Variants in ZNF483 observed in about 807,000 individuals in gnomAD.
ZNF483 encodes zinc finger protein HIT-10.
Under a neutral mutation model 28.6 loss-of-function variants are expected in ZNF483, and 9 were observed. That is an observed-to-expected ratio of 0.32 (90% CI 0.19 to 0.55). ZNF483 has a LOEUF of 0.55. Among genes scored for constraint, ZNF483 ranks in the 20% least tolerant of loss-of-function variants. The pLI is 0.93. For missense variants in ZNF483, 675 were observed against 871.7 expected (o/e 0.77, Z 2.84); for synonymous variants, 322 against 306.2 (o/e 1.05, Z -0.54).
In ZNF483 at chr9:111,549,320, G is replaced by T. The variant is rs1010461455; in HGVS notation, c.*6150G>T. On this transcript the variant is annotated 3_prime_UTR_variant, in exon 6 of 6. Transcript: ENST00000309235. ...TTCATAAAATGTAGCACATTTTAGGGTTTCTCCCTTGTGTGGAAATGTTAG... is the reference window on the plus strand; with the variant it reads ...TTCATAAAATGTAGCACATTTTAGGTTTTCTCCCTTGTGTGGAAATGTTAG... 1.4e-4 allele frequency among the ~76,000 whole-genome samples: 21 copies of T among 152,222 alleles called. No individual in the cohort carries two copies. The highest frequency in any genetic ancestry group is 5.1e-4 in the African/African-American group (21 of 41,544).
intron 5 of ZNF483, among the ~76,000 whole-genome samples, chr9:111,534,770 C>T (rs1445783419): frequency 1.3e-4 from 18 of 136,184 alleles, no homozygotes; most frequent in Admixed American, 8.9e-4. Context: ...GTCTCCCGAG[C>T]TAGAGTGCAG....
downstream of ZNF483, among the ~76,000 whole-genome samples, chr9:111,557,536 C>T (rs1828161626): frequency 6.6e-6 from 1 of 151,892 alleles, no homozygotes; most frequent in South Asian, 2.1e-4. Context: ...ACCTCCGCCT[C>T]CCGGGTTCAA....
In ZNF483 at chr9:111,554,867, AC is replaced by A. The variant is rs1828076216; in HGVS notation, c.*11698del. 6.6e-6 allele frequency among the ~76,000 whole-genome samples: 1 copy of A among 152,238 alleles called. No individual in the cohort carries two copies. The highest frequency in any genetic ancestry group is 1.5e-5 in the Non-Finnish European group (1 of 68,040). On this transcript the variant is annotated 3_prime_UTR_variant, in exon 6 of 6. Transcript: ENST00000309235. ...CCAAAGTCTAATCTGCTCAGGGTCT[AC>A]AACTGAAGTCCAGGGTCTTTGAGTT...
rs916550462 is a variant in ZNF483, at chr9:111,544,892, A to G, written c.*1722A>G. Among the ~76,000 whole-genome samples the G allele has an allele frequency of 6.6e-6, 1 of 152,182 alleles. No homozygotes were observed. Among genetic ancestry groups the G allele is most frequent in the Non-Finnish European group, 1.5e-5 (1 of 68,032 alleles). On this transcript the variant is annotated 3_prime_UTR_variant, in exon 6 of 6. Transcript: ENST00000309235. ...TCTGGAGGAACCCCATGGACTCAAC[A>G]GTGGTCTAGAAATAAGTTCCTAAAG...
intron 5 of ZNF483, among the ~76,000 whole-genome samples, chr9:111,538,326 G>A (rs1202928243): frequency 6.6e-6 from 1 of 151,966 alleles, no homozygotes; most frequent in Middle Eastern, 3.2e-3. Context: ...ACCAGCCTGG[G>A]CAGCATAGTG....
rs1827679028 is a variant in ZNF483 at position 111,541,831 on chromosome 9, A to T, written c.896A>T (p.Lys299Ile). 1 of 1,614,160 alleles carries T rather than the reference A, an allele frequency of 6.2e-7. No homozygotes were observed. Among genetic ancestry groups the T allele is most frequent in the Non-Finnish European group, 8.5e-7 (1 of 1,180,038 alleles). The change falls in exon 6 of 6, where the codon AAA becomes ATA. Residue 299 changes from lysine (K) to isoleucine (I), a missense_variant. This residue lies in a region of ZNF483 where 525 missense variants were observed against 581.8 expected (regional missense o/e 0.90). Coordinates refer to ENST00000309235, the MANE Select transcript of ZNF483 (RefSeq NM_133464.5). ...CTTGGGAGTGGCAGTAGGGGTAAGAAATTTGACCCAGATAAAAGCCCCTTT... is the reference window on the plus strand; with the variant it reads ...CTTGGGAGTGGCAGTAGGGGTAAGATATTTGACCCAGATAAAAGCCCCTTT... ...KTLGSGSRGK[K>I]FDPDKSPFGH...
chr9:111,568,693 A>G (rs1214537488), intron 5 of ZNF483, among the ~76,000 whole-genome samples: 1 of 152,098 alleles, frequency 6.6e-6, no homozygotes, highest in Non-Finnish European at 1.5e-5. Flanking sequence ...GGTCCTACTG[A>G]TATGTGGTGT....
In ZNF483 at chr9:111,550,781, A is replaced by T. The variant is rs2132278499; in HGVS notation, c.*7611A>T. ...TCATATTTTTATTTCCAAGTGCATT[A>T]TCTGATTCTTTCTTCCTTTTTTCTA... On this transcript the variant is annotated 3_prime_UTR_variant, in exon 6 of 6. Coordinates refer to ENST00000309235, the MANE Select transcript of ZNF483 (RefSeq NM_133464.5). Among the ~76,000 whole-genome samples, 1 of 152,278 alleles carries T rather than the reference A, an allele frequency of 6.6e-6. No homozygotes were observed. The highest frequency in any genetic ancestry group is 3.4e-3 in the Middle Eastern group (1 of 294).
Position 111,571,403 on chromosome 9 carries a change from G to A in ZNF483, c.722-4962G>A, listed in dbSNP as rs537955835. ...CAGCCTGGGTGACAGAGCGAGACTC[G>A]GTTTCAAAAAGAAAAAAAGAAGTAA... is the stretch of plus-strand genomic sequence containing the variant. On this transcript the variant is annotated intron_variant, in intron 5 of 5. Coordinates refer to the ZNF483 transcript ENST00000358151. 4.7e-4 allele frequency among the ~76,000 whole-genome samples: 70 copies of A among 149,514 alleles called. 5 individuals are homozygous for A. The highest frequency in any genetic ancestry group is 9.4e-4 in the Non-Finnish European group (63 of 67,324).
intron 5 of ZNF483, among the ~76,000 whole-genome samples, chr9:111,568,870 AG>A (rs1199911757): frequency 2.6e-5 from 4 of 152,186 alleles, no homozygotes; most frequent in Admixed American, 6.5e-5. Flanking sequence ...TGCCTGGACC[AG>A]GGTGGTAGCA....
rs1827863011 is a variant in ZNF483 at position 111,548,848 on chromosome 9, A to G, written c.*5678A>G. On this transcript the variant is annotated 3_prime_UTR_variant, in exon 6 of 6. Transcript: ENST00000309235. The stretch of plus-strand genomic sequence containing the variant: ...TTTTTTTTCTTTCTGCATTAAGAGT[A>G]TAACAACGCCACAGCCTTCTGGCTT... Among the ~76,000 whole-genome samples, 1 of 151,568 alleles carries G rather than the reference A, an allele frequency of 6.6e-6. No homozygotes were observed. The highest frequency in any genetic ancestry group is 6.6e-5 in the Admixed American group (1 of 15,240).
chr9:111,536,072 A>G (rs2132239051), intron 5 of ZNF483, among the ~76,000 whole-genome samples: 1 of 149,792 alleles, frequency 6.7e-6, no homozygotes, highest in South Asian at 2.1e-4. Flanking sequence ...TTGTATTTTT[A>G]TTAGTAGAGA....
intron 5 of ZNF483, chr9:111,574,700 G>C: frequency 6.7e-7 from 1 of 1,490,030 alleles, no homozygotes; most frequent in Non-Finnish European, 9.3e-7. Flanking sequence ...GTCCAGCCTT[G>C]TGACATATGG....
chr9:111,571,795 C>A (rs142013675), intron 5 of ZNF483, among the ~76,000 whole-genome samples: 25 of 152,110 alleles, frequency 1.6e-4, no homozygotes, highest in Non-Finnish European at 3.4e-4. Flanking sequence ...TAAGCCACTG[C>A]GCCTGGCTAA....
chr9:111,535,660 C>T (rs183898039), intron 5 of ZNF483, among the ~76,000 whole-genome samples: 2 of 152,186 alleles, frequency 1.3e-5, no homozygotes, highest in East Asian at 1.9e-4. Flanking sequence ...TCTCTTGCCT[C>T]GGCCTCCCAA....
chr9:111,560,009 T>C (rs761428073), downstream of ZNF483, among the ~76,000 whole-genome samples: 1 of 152,164 alleles, frequency 6.6e-6, no homozygotes, highest in Non-Finnish European at 1.5e-5. Flanking sequence ...GATGGCAGAA[T>C]TGATCAATAG....
At chr9:111,574,759 A>G (rs1282135976) in intron 5 of ZNF483, 2 of 1,613,720 alleles carry the variant, frequency 1.2e-6, no homozygotes, top group African/African-American at 1.3e-5. Flanking sequence ...CGGTTCTGTT[A>G]TATGTAGAGA....
chr9:111,549,882 G>T lies in ZNF483; in HGVS notation c.*6712G>T, dbSNP rs937603035. 2.4e-6 allele frequency: 2 copies of T among 840,918 alleles called. No homozygotes were observed. The highest frequency in any genetic ancestry group is 1.9e-6 in the Non-Finnish European group (1 of 525,436). 52.1% of individuals were successfully genotyped at this position (840,918 alleles called of 1,614,324 possible). A position where few individuals can be genotyped will look rare whatever the true frequency, so the allele number is the denominator to read the frequency against. The stretch of plus-strand genomic sequence containing the variant: ...AGTCTGTCTAGTGAGTCAATGTTTG[G>T]TCTTCCTCATGTCCATTTTTTGTTG... On this transcript the variant is annotated 3_prime_UTR_variant, in exon 6 of 6. Transcript: ENST00000309235.
Position 111,552,653 on chromosome 9 carries a change from G to A in ZNF483, c.*9483G>A, listed in dbSNP as rs948238948. Among the ~76,000 whole-genome samples the A allele has an allele frequency of 7.9e-5, 12 of 152,058 alleles. No individual in the cohort carries two copies. Among genetic ancestry groups the A allele is most frequent in the East Asian group, 5.8e-4 (3 of 5,198 alleles). On this transcript the variant is annotated 3_prime_UTR_variant, in exon 6 of 6. Coordinates refer to ENST00000309235, the MANE Select transcript of ZNF483 (RefSeq NM_133464.5). ...ACATTTCATTGCCTTTACATGAATC[G>A]ACATTGTAAATTTGGAGGTTCTTTG...
Sources: allele counts gnomAD v4.1 joint callset (sites outside exome capture counted in the v4.1 genomes callset), GRCh38; gene constraint gnomAD v4.1.1; regional missense constraint gnomAD v4.1.1; transcripts MANE v1.5; gene names NCBI Gene and HGNC (gene_info 2026-07-23, HGNC 2026-07-21).